ITCH: variants seen among roughly 807,000 people sequenced by gnomAD.
ITCH encodes the protein E3 ubiquitin-protein ligase Itchy homolog.
A neutral mutation model predicts 126.8 loss-of-function variants in ITCH; 28 were observed. The ratio of observed to expected loss-of-function variants is 0.22; its 90% confidence interval spans 0.16 to 0.30. The LOEUF is 0.30. Ranked by LOEUF, ITCH falls within the 10% of genes least tolerant of loss-of-function variation. The probability of loss-of-function intolerance (pLI) is 1.00; values close to 1 mark genes in which losing one functional copy is unlikely to be tolerated. For synonymous variants in ITCH, 342 were observed against 340.0 expected (o/e 1.01, Z -0.06); for missense variants, 631 against 1,032.4 (o/e 0.61, Z 5.33).
intron 14 of ITCH, among the ~76,000 whole-genome samples, chr20:34,464,574 G>A (rs992272181): frequency 4.6e-5 from 7 of 151,834 alleles, no homozygotes; most frequent in African/African-American, 7.3e-5. Flanking sequence ...TGATCCGCCC[G>A]CCTCAGCCTC....
intron 3 of ITCH, among the ~76,000 whole-genome samples, chr20:34,394,416 G>A (rs977201415): frequency 2.6e-5 from 4 of 151,772 alleles, no homozygotes; most frequent in African/African-American, 9.7e-5. Context: ...GTTTGGTATT[G>A]TATTAACAGC....
intron 20 of ITCH, among the ~76,000 whole-genome samples, chr20:34,486,247 T>A (rs1023388493): frequency 5.9e-5 from 9 of 151,998 alleles, no homozygotes; most frequent in Non-Finnish European, 1.2e-4. Flanking sequence ...TCCAAACTCC[T>A]GGATCCAAAC....
chr20:34,476,423 C>T (rs944452678), intron 16 of ITCH: 42 of 1,235,884 alleles, frequency 3.4e-5, no homozygotes, highest in Non-Finnish European at 4.1e-5. Context: ...GCCGGGTCGC[C>T]GAGGACCGCA....
At chr20:34,478,852 G>A (rs965421151) in intron 17 of ITCH, among the ~76,000 whole-genome samples, 2 of 152,066 alleles carry the variant, frequency 1.3e-5, no homozygotes, top group Admixed American at 6.6e-5. Context: ...TTGAAGAGGA[G>A]AGCAATCATT....
intron 17 of ITCH, 166 bp downstream of exon 17, chr20:34,478,026 A>G: frequency 2.4e-6 from 2 of 828,164 alleles, no homozygotes; most frequent in East Asian, 5.4e-5. Flanking sequence ...AAAACATTTA[A>G]TTCAGCACTT....
chr20:34,485,222 G>T (rs1989021532), intron 20 of ITCH, among the ~76,000 whole-genome samples: 1 of 152,090 alleles, frequency 6.6e-6, no homozygotes, highest in African/African-American at 2.4e-5. Flanking sequence ...TTGTTTCTCA[G>T]TCTGGGGCTT....
intron 6 of ITCH, among the ~76,000 whole-genome samples, chr20:34,424,139 G>A (rs1981166837): frequency 6.6e-6 from 1 of 152,034 alleles, no homozygotes; most frequent in Admixed American, 6.6e-5. Context: ...TTTTTATGAG[G>A]TATTTGGGAT....
intron 16 of ITCH, among the ~76,000 whole-genome samples, chr20:34,477,075 T>C (rs930377576): frequency 2.6e-5 from 4 of 152,206 alleles, no homozygotes; most frequent in Non-Finnish European, 2.9e-5. Context: ...CTGGTTTTCA[T>C]TTCTCGGTTA....
chr20:34,492,071 G>A lies in ITCH; in HGVS notation c.2320-430G>A, dbSNP rs141838821. 9.2e-5 allele frequency among the ~76,000 whole-genome samples: 14 copies of A among 152,242 alleles called. No individual in the cohort carries two copies. In the East Asian group the frequency reaches 2.5e-3, roughly 27 times the overall value. ...GCTAATCTTAAAACTGCGTGAGTACGGAGCTCTTGGTCTCAGTCCATCTTA... is the reference window on the plus strand; with the variant it reads ...GCTAATCTTAAAACTGCGTGAGTACAGAGCTCTTGGTCTCAGTCCATCTTA... On this transcript the variant is annotated intron_variant, in intron 22 of 24. Transcript: ENST00000374864.
intron 23 of ITCH, among the ~76,000 whole-genome samples, chr20:34,501,813 A>T (rs542213968): frequency 3.2e-4 from 49 of 152,108 alleles, no homozygotes; most frequent in African/African-American, 1.1e-3. Flanking sequence ...GTACTGGAAA[A>T]TAAAAGAACA....
intron 6 of ITCH, chr20:34,417,061 C>T: frequency 1.7e-6 from 1 of 590,004 alleles, no homozygotes; most frequent in East Asian, 3.4e-5. Context: ...AGGCATCTGC[C>T]ACCACACCTG....
intron 6 of ITCH, among the ~76,000 whole-genome samples, chr20:34,418,451 T>C (rs1466776758): frequency 6.6e-6 from 1 of 152,166 alleles, no homozygotes; most frequent in African/African-American, 2.4e-5. Flanking sequence ...GGCTCTAGTT[T>C]TTGTAGTTCC....
At chr20:34,395,090 G>C (rs551218447) in intron 3 of ITCH, among the ~76,000 whole-genome samples, 236 of 152,012 alleles carry the variant, frequency 1.6e-3, no homozygotes, top group Non-Finnish European at 2.1e-3. Flanking sequence ...AAAATTAGCT[G>C]TGCGTGGCGG....
chr20:34,402,522 C>T (rs114540130), intron 3 of ITCH: 1 of 750,080 alleles, frequency 1.3e-6, no homozygotes, highest in Admixed American at 1.7e-5. Flanking sequence ...GTCATAATCC[C>T]TCATAATCCT....
At chr20:34,402,203 T>C in intron 3 of ITCH, 4 of 1,413,782 alleles carry the variant, frequency 2.8e-6, no homozygotes, top group Non-Finnish European at 4.0e-6. Flanking sequence ...GGGCAGCCAA[T>C]ATTGCTTCGT....
intron 6 of ITCH, among the ~76,000 whole-genome samples, chr20:34,423,638 T>G (rs973875870): frequency 2.6e-5 from 4 of 152,168 alleles, no homozygotes; most frequent in African/African-American, 9.7e-5. Context: ...AGTTTTGCTC[T>G]TGTTGCCCAG....
intron 16 of ITCH, among the ~76,000 whole-genome samples, chr20:34,473,293 A>G (rs2146430609): frequency 6.6e-6 from 1 of 151,992 alleles, no homozygotes; most frequent in South Asian, 2.1e-4. Flanking sequence ...CATATTAGAC[A>G]TTTGTTAAAA....
At chr20:34,485,532 G>A (rs1397936772) in intron 20 of ITCH, among the ~76,000 whole-genome samples, 1 of 152,166 alleles carries the variant, frequency 6.6e-6, no homozygotes, top group Non-Finnish European at 1.5e-5. Flanking sequence ...CTTCTTTTGT[G>A]ATGTGTGTAT....
Position 34,489,837 on chromosome 20 carries a change from A to G in ITCH, c.2230A>G (p.Met744Val), listed in dbSNP as rs1354134511. ...AKELEVLLCG[M>V]QEIDLNDWQR... ...ATCCCTAAAGGTCCTTTTATGTGGA[A>G]TGCAAGAGATTGATTTGAATGACTG... Residue 744 changes from methionine (M) to valine (V), a missense_variant, in exon 22 of 25, where the codon ATG becomes GTG. By Grantham distance (21) the Met-to-Val change is conservative. This residue lies in a region of ITCH where 390 missense variants were observed against 731.6 expected (regional missense o/e 0.53). Transcript: ENST00000374864. 1 of 1,613,218 alleles carries G rather than the reference A, an allele frequency of 6.2e-7. No homozygotes were observed. Among genetic ancestry groups the G allele is most frequent in the Admixed American group, 1.7e-5 (1 of 60,022 alleles).
Sources: allele counts gnomAD v4.1 joint callset (sites outside exome capture counted in the v4.1 genomes callset), GRCh38; gene constraint gnomAD v4.1.1; regional missense constraint gnomAD v4.1.1; transcripts MANE v1.5; gene names NCBI Gene and HGNC (gene_info 2026-07-23, HGNC 2026-07-21).